The following BICRAL variants were observed in gnomAD, a reference collection of about 807,000 sequenced individuals.
BICRAL encodes the protein BRD4-interacting chromatin-remodeling complex-associated protein-like.
BICRAL carries 8 observed loss-of-function variants against 91.8 expected under a neutral mutation model. The ratio of observed to expected loss-of-function variants is 0.09; its 90% CI spans 0.05 to 0.16. The LOEUF is 0.16. BICRAL is among the 10% of genes least tolerant of loss of function. The pLI, the probability that BICRAL is intolerant of heterozygous loss-of-function variation, is 1.00. For synonymous variants in BICRAL, 445 were observed against 491.1 expected (o/e 0.91, Z 1.24); for missense variants, 1,038 against 1,310.9 (o/e 0.79, Z 3.21).
At chr6:42,826,244 T>C (rs934319730) in intron 5 of BICRAL, among the ~76,000 whole-genome samples, 1 of 136,142 alleles carries the variant, frequency 7.3e-6, no homozygotes, top group Non-Finnish European at 1.7e-5. Context: ...TTTTTTTTTT[T>C]TTTTTTTGAG....
intron 1 of BICRAL, among the ~76,000 whole-genome samples, chr6:42,774,342 G>A (rs1762781465): frequency 6.6e-6 from 1 of 152,164 alleles, no homozygotes; most frequent in African/African-American, 2.4e-5. Context: ...GGGGAAAGGT[G>A]GGTGTTACAA....
chr6:42,866,843 T>C lies in BICRAL; in HGVS notation c.*1397T>C. The stretch of plus-strand genomic sequence containing the variant: ...CCCATTTCTGTTGTTACCTTTATTC[T>C]TAATGTCATTGTAACCATCACTTAT... On this transcript the variant is annotated 3_prime_UTR_variant, in exon 13 of 13. Transcript: ENST00000314073. The C allele has an allele frequency of 2.2e-6, 1 of 456,418 alleles. No individual in the cohort carries two copies. The highest frequency in any genetic ancestry group is 4.4e-6 in the Non-Finnish European group (1 of 226,810). The allele number at this position is 456,418 out of a possible 1,614,324, so 28.3% of individuals were successfully genotyped here. A position where few individuals can be genotyped will look rare whatever the true frequency, so the allele number is the denominator to read the frequency against.
At chr6:42,802,379 A>C (rs1409773535) in intron 1 of BICRAL, among the ~76,000 whole-genome samples, 1 of 152,164 alleles carries the variant, frequency 6.6e-6, no homozygotes, top group Admixed American at 6.5e-5. Context: ...TTTATTGAGA[A>C]TATATAAGTA....
chr6:42,831,557 T>C (rs1764478383), intron 6 of BICRAL, among the ~76,000 whole-genome samples: 1 of 152,138 alleles, frequency 6.6e-6, no homozygotes. Flanking sequence ...CTTCGACGGC[T>C]CCATCATTTG....
intron 9 of BICRAL, 142 bp from the exon 10 acceptor site, chr6:42,856,949 C>G: frequency 1.5e-6 from 1 of 651,878 alleles, no homozygotes; most frequent in Non-Finnish European, 2.5e-6. Context: ...AGTTATAAAC[C>G]CACTATGGTA....
At chr6:42,847,394 G>A (rs968042179) in intron 6 of BICRAL, among the ~76,000 whole-genome samples, 1 of 152,084 alleles carries the variant, frequency 6.6e-6, no homozygotes, top group African/African-American at 2.4e-5. Flanking sequence ...AATGGGTGTT[G>A]CTTTTTGTCA....
At chr6:42,814,748 C>T (rs1164359607) in intron 2 of BICRAL, among the ~76,000 whole-genome samples, 1 of 151,178 alleles carries the variant, frequency 6.6e-6, no homozygotes, top group African/African-American at 2.4e-5. Context: ...TGGTCTCGAA[C>T]TCCTGACCTC....
upstream of BICRAL, among the ~76,000 whole-genome samples, chr6:42,778,728 A>G (rs56045039): frequency 0.3 from 45,086 of 151,948 alleles, 7,155 homozygotes; most frequent in South Asian, 0.48. Context: ...CACCTGTAAT[A>G]CCAGCAGTTT....
chr6:42,770,947 G>GGGCCGAGATTACAGGCCCA (rs1346461220), intron 1 of BICRAL, among the ~76,000 whole-genome samples: 1 of 152,192 alleles, frequency 6.6e-6, no homozygotes, highest in Admixed American at 6.5e-5. Flanking sequence ...CTTACAAAGT[G>GGGCCGAGATTACAGGCCCA]CTGGGATTAC....
chr6:42,788,948 G>A (rs151009394), intron 1 of BICRAL, among the ~76,000 whole-genome samples: 2 of 152,146 alleles, frequency 1.3e-5, no homozygotes, highest in Non-Finnish European at 2.9e-5. Flanking sequence ...AGAGCAGGCA[G>A]GTGATCAGTT....
intron 1 of BICRAL, among the ~76,000 whole-genome samples, chr6:42,756,546 G>T (rs1157977466): frequency 1.3e-5 from 2 of 151,954 alleles, no homozygotes; most frequent in African/African-American, 4.8e-5. Flanking sequence ...TCTTCCAACT[G>T]CTTTCTAGAT....
chr6:42,830,840 C>T (rs944978417), intron 6 of BICRAL, among the ~76,000 whole-genome samples: 4 of 152,162 alleles, frequency 2.6e-5, no homozygotes, highest in Non-Finnish European at 4.4e-5. Flanking sequence ...TGGTCTTGAA[C>T]TCCTGGGCTC....
At chr6:42,805,724 A>G (rs1186873524) in intron 1 of BICRAL, among the ~76,000 whole-genome samples, 1 of 152,076 alleles carries the variant, frequency 6.6e-6, no homozygotes, top group Admixed American at 6.6e-5. Context: ...GGAACGGGCC[A>G]GGTGCGGTGG....
At chr6:42,801,353 A>C (rs1395752632) in intron 1 of BICRAL, among the ~76,000 whole-genome samples, 6 of 152,132 alleles carry the variant, frequency 3.9e-5, no homozygotes, top group African/African-American at 1.4e-4. Context: ...AGGGACCAGA[A>C]TATATTTAAA....
At chr6:42,848,281 G>A (rs1431510803) in intron 6 of BICRAL, among the ~76,000 whole-genome samples, 1 of 151,682 alleles carries the variant, frequency 6.6e-6, no homozygotes, top group African/African-American at 2.4e-5. Flanking sequence ...AGGCATGATG[G>A]TGCATACCTG....
intron 1 of BICRAL, among the ~76,000 whole-genome samples, chr6:42,770,978 G>A (rs567768387): frequency 2.6e-5 from 4 of 152,238 alleles, no homozygotes; most frequent in South Asian, 4.1e-4. Context: ...CACCGCACCC[G>A]GCCCTCCCCT....
At chr6:42,839,253 T>C (rs1036220570) in intron 6 of BICRAL, among the ~76,000 whole-genome samples, 3 of 152,018 alleles carry the variant, frequency 2.0e-5, no homozygotes, top group Non-Finnish European at 4.4e-5. Flanking sequence ...TTTTTTTGAG[T>C]AGCACTGTGA....
intron 6 of BICRAL, among the ~76,000 whole-genome samples, chr6:42,849,876 A>C (rs975587604): frequency 6.6e-6 from 1 of 151,904 alleles, no homozygotes; most frequent in Non-Finnish European, 1.5e-5. Flanking sequence ...ACATGGTTAA[A>C]TCTCATCTCT....
intron 1 of BICRAL, among the ~76,000 whole-genome samples, chr6:42,769,006 A>G (rs1450223869): frequency 1.3e-5 from 2 of 152,266 alleles, no homozygotes; most frequent in Non-Finnish European, 2.9e-5. Flanking sequence ...ACTTCATGTT[A>G]ACCCAGTGTA....
Sources: allele counts gnomAD v4.1 joint callset (sites outside exome capture counted in the v4.1 genomes callset), GRCh38; gene constraint gnomAD v4.1.1; transcripts MANE v1.5; gene names NCBI Gene and HGNC (gene_info 2026-07-23, HGNC 2026-07-21).